Variants in RIT2 observed in about 807,000 individuals in gnomAD.
RIT2 encodes the protein GTP-binding protein Rit2.
Under a neutral mutation model 23.7 loss-of-function variants are expected in RIT2, and 24 were observed. That is an observed-to-expected ratio of 1.01 (90% CI 0.73 to 1.43). RIT2 has a LOEUF of 1.43. Among genes scored for constraint, RIT2 ranks in the 40% most tolerant of loss-of-function variants. RIT2 has a pLI of 0.00. For synonymous variants in RIT2, 107 were observed against 91.1 expected (o/e 1.17, Z -0.99); for missense variants, 236 against 266.9 (o/e 0.88, Z 0.81).
chr18:42,919,700 C>A (rs1021974552), intron 4 of RIT2, among the ~76,000 whole-genome samples: 17 of 151,322 alleles, frequency 1.1e-4, no homozygotes, highest in Admixed American at 1.1e-3. Context: ...GGTGACAGAG[C>A]GAGACTCCAT....
chr18:42,795,447 C>G (rs557993814), intron 4 of RIT2, among the ~76,000 whole-genome samples: 172 of 152,346 alleles, frequency 1.1e-3, no homozygotes, highest in Non-Finnish European at 2.0e-3. Flanking sequence ...CGATTTCTCA[C>G]CGGGACTTAG....
At chr18:43,010,424 T>C (rs1036802853) in intron 2 of RIT2, among the ~76,000 whole-genome samples, 18 of 151,840 alleles carry the variant, frequency 1.2e-4, no homozygotes, top group Non-Finnish European at 2.9e-5. Flanking sequence ...CCAGGCATAA[T>C]ATGAAAATTA....
chr18:42,901,838 T>C (rs1423131768), intron 4 of RIT2, among the ~76,000 whole-genome samples: 1 of 152,002 alleles, frequency 6.6e-6, no homozygotes, highest in Non-Finnish European at 1.5e-5. Context: ...TGAATTTTGC[T>C]GTATTGTCAA....
chr18:42,917,615 A>C (rs1424609591), intron 4 of RIT2, among the ~76,000 whole-genome samples: 2 of 152,126 alleles, frequency 1.3e-5, no homozygotes, highest in Non-Finnish European at 2.9e-5. Context: ...ACTAAATAGA[A>C]ATGTATTCAT....
chr18:42,932,902 T>A (rs928061987), intron 3 of RIT2, among the ~76,000 whole-genome samples: 2 of 152,066 alleles, frequency 1.3e-5, no homozygotes, highest in Admixed American at 6.6e-5. Flanking sequence ...TTGAGAATAA[T>A]TTTTTTGTAT....
chr18:42,888,501 G>A lies in RIT2; in HGVS notation c.426+35071C>T, dbSNP rs622807. ...ACTGTATAAGCATTCCCTTTTCGCCGCAGCCTCTCCAGCATCTGTTTTTTT... is the reference window on the plus strand; with the variant it reads ...ACTGTATAAGCATTCCCTTTTCGCCACAGCCTCTCCAGCATCTGTTTTTTT... On this transcript the variant is annotated intron_variant, in intron 4 of 4. Coordinates refer to ENST00000326695, the MANE Select transcript of RIT2 (RefSeq NM_002930.4). Among the ~76,000 whole-genome samples the A allele has an allele frequency of 1.1e-3, 167 of 151,508 alleles. 1 individual carries two copies. Among genetic ancestry groups the A allele is most frequent in the African/African-American group, 3.8e-3 (156 of 41,342 alleles).
At chr18:43,104,132 C>T (rs1913753280) in intron 1 of RIT2, among the ~76,000 whole-genome samples, 1 of 152,080 alleles carries the variant, frequency 6.6e-6, no homozygotes, top group Non-Finnish European at 1.5e-5. Flanking sequence ...CTGTCATTTG[C>T]CACAACATGG....
chr18:42,772,529 T>TA (rs559526931), intron 4 of RIT2, among the ~76,000 whole-genome samples: 55 of 151,986 alleles, frequency 3.6e-4, no homozygotes, highest in Non-Finnish European at 6.6e-4. Context: ...TGTGACATAA[T>TA]AAAAAATGTA....
At chr18:43,061,109 T>C (rs1912634352) in intron 1 of RIT2, among the ~76,000 whole-genome samples, 1 of 152,120 alleles carries the variant, frequency 6.6e-6, no homozygotes, top group Non-Finnish European at 1.5e-5. Context: ...CAGTGTAATA[T>C]AACTGATAAA....
intron 1 of RIT2, among the ~76,000 whole-genome samples, chr18:43,107,086 ACG>A (rs1913840795): frequency 1.3e-5 from 2 of 152,172 alleles, no homozygotes; most frequent in South Asian, 4.1e-4. Context: ...AAACACACAC[ACG>A]CACAGAAATA....
At chr18:43,024,239 C>A (rs577617064) in intron 2 of RIT2, among the ~76,000 whole-genome samples, 1 of 152,050 alleles carries the variant, frequency 6.6e-6, no homozygotes, top group African/African-American at 2.4e-5. Flanking sequence ...AATAGAAGGC[C>A]AGAAATAAAG....
At chr18:42,900,394 G>A (rs541348140) in intron 4 of RIT2, among the ~76,000 whole-genome samples, 2 of 152,096 alleles carry the variant, frequency 1.3e-5, no homozygotes, top group African/African-American at 2.4e-5. Context: ...ACAGGCAGAC[G>A]CAGTCACTTG....
At chr18:42,828,448 A>G (rs1439436116) in intron 4 of RIT2, among the ~76,000 whole-genome samples, 3 of 152,258 alleles carry the variant, frequency 2.0e-5, no homozygotes, top group Admixed American at 6.5e-5. Context: ...CCATTCATTT[A>G]CATAATGCAA....
In RIT2 at chr18:42,976,519, C is replaced by T. The variant is rs946763795; in HGVS notation, c.161-2372G>A. Among the ~76,000 whole-genome samples, 10 of 152,134 alleles carry T rather than the reference C, an allele frequency of 6.6e-5. No homozygotes were observed. The South Asian group carries it at 2.1e-3, about 32-fold the overall frequency. On this transcript the variant is annotated intron_variant, in intron 2 of 4. Transcript: ENST00000326695. ...TAGCAGTCTGATTTTAGGAAAATCA[C>T]CTGACCTCTCTAAAAGGTAGATGTC...
At chr18:42,786,342 T>C (rs2143939718) in intron 4 of RIT2, among the ~76,000 whole-genome samples, 1 of 152,302 alleles carries the variant, frequency 6.6e-6, no homozygotes, top group Non-Finnish European at 1.5e-5. Flanking sequence ...TCTTATTTAC[T>C]CGAGGCATTT....
intron 1 of RIT2, among the ~76,000 whole-genome samples, chr18:43,054,494 T>G (rs760433625): frequency 6.6e-6 from 1 of 152,066 alleles, no homozygotes; most frequent in Non-Finnish European, 1.5e-5. Context: ...AATTGAAGCA[T>G]AATTACACAC....
rs1036588172 is a variant in RIT2 at position 42,926,069 on chromosome 18, G to A, written c.235-2306C>T. On this transcript the variant is annotated intron_variant, in intron 3 of 4. Transcript: ENST00000326695. The stretch of plus-strand genomic sequence containing the variant: ...ATATCACACAGATTTATCTATACCT[G>A]AGAAAATTTATCTATACCTGAGAAT... 3.3e-5 allele frequency among the ~76,000 whole-genome samples: 5 copies of A among 151,504 alleles called. No individual in the cohort carries two copies. In the East Asian group the frequency reaches 9.7e-4, roughly 29 times the overall value.
intron 1 of RIT2, among the ~76,000 whole-genome samples, chr18:43,077,636 C>T (rs1019539729): frequency 6.6e-6 from 1 of 152,162 alleles, no homozygotes; most frequent in African/African-American, 2.4e-5. Flanking sequence ...ATTCATGTAA[C>T]ATCTTTCAAA....
At chr18:42,828,110 C>A (rs73470073) in intron 4 of RIT2, among the ~76,000 whole-genome samples, 21,916 of 151,466 alleles carry the variant, frequency 0.14, 1,652 homozygotes, top group Middle Eastern at 0.26. Flanking sequence ...GTTTGACAAT[C>A]GTAAGTGCTG....
Sources: allele counts gnomAD v4.1 joint callset (sites outside exome capture counted in the v4.1 genomes callset), GRCh38; gene constraint gnomAD v4.1.1; transcripts MANE v1.5; gene names NCBI Gene and HGNC (gene_info 2026-07-23, HGNC 2026-07-21).